TRIM32: variants seen among roughly 807,000 people sequenced by gnomAD.
TRIM32 encodes tripartite motif containing 32.
In TRIM32, 19 loss-of-function variants were observed where a neutral mutation model predicts 36.0. That is an observed-to-expected ratio of 0.53 (90% confidence interval 0.37 to 0.77). The LOEUF (loss-of-function observed/expected upper bound fraction) is 0.77. Ranked by LOEUF, TRIM32 falls within the 30% of genes least tolerant of loss-of-function variation. The pLI, the probability that TRIM32 is intolerant of heterozygous loss-of-function variation, is 0.00. For synonymous variants in TRIM32, 309 were observed against 318.5 expected (o/e 0.97, Z 0.32); for missense variants, 747 against 845.2 (o/e 0.88, Z 1.44).
chr9:116,689,917 C>A (rs1232237343), intron 1 of TRIM32, among the ~76,000 whole-genome samples: 1 of 152,166 alleles, frequency 6.6e-6, no homozygotes, highest in Non-Finnish European at 1.5e-5. Context: ...TGAAGGCAGT[C>A]ATACTCTGAA....
In TRIM32 at chr9:116,699,248, A is replaced by G; in HGVS notation, c.1506A>G (p.Ser502=). 6.2e-7 allele frequency: 1 copy of G among 1,614,232 alleles called. No individual in the cohort carries two copies. Among genetic ancestry groups the G allele is most frequent in the African/African-American group, 1.3e-5 (1 of 75,064 alleles). ...GGTGTTTCACAGTTGATCGAGGATC[A>G]GGGGTGGTCAAATACAGCTGCCTAT... ...KLWCFTVDRG[S]GVVKYSCLCS... The change falls in exon 2 of 2, where the codon TCA becomes TCG. Residue 502 remains serine, a synonymous_variant. Coordinates refer to ENST00000450136, the MANE Select transcript of TRIM32 (RefSeq NM_012210.4). The surrounding 1 kb of genome is among the most constrained non-coding windows in gnomAD (Gnocchi z 4.2).
chr9:116,699,872 C>G lies in TRIM32; in HGVS notation c.*168C>G, dbSNP rs370691123. On this transcript the variant is annotated 3_prime_UTR_variant, in exon 2 of 2. Transcript: ENST00000450136. The surrounding 1 kb of genome is among the most constrained non-coding windows in gnomAD (Gnocchi z 4.2). The stretch of plus-strand genomic sequence containing the variant: ...TTTAATGTTTTTATTTGTTATGTCC[C>G]CCTCCCCGCTTCCCACCTAAATTTA... 1 of 888,358 alleles carries G rather than the reference C, an allele frequency of 1.1e-6. No individual in the cohort carries two copies. Among genetic ancestry groups the G allele is most frequent in the African/African-American group, 1.7e-5 (1 of 58,998 alleles). 55.0% of individuals were successfully genotyped at this position (888,358 alleles called of 1,614,324 possible).
At chr9:116,688,624 T>A (rs1860398945) in intron 1 of TRIM32, among the ~76,000 whole-genome samples, 1 of 149,100 alleles carries the variant, frequency 6.7e-6, no homozygotes, top group Non-Finnish European at 1.5e-5. Flanking sequence ...ACTAACTCCA[T>A]TCTGACCACC....
chr9:116,689,313 G>A (rs1860444673), intron 1 of TRIM32, among the ~76,000 whole-genome samples: 1 of 152,170 alleles, frequency 6.6e-6, no homozygotes. Flanking sequence ...GTAAAATGGG[G>A]TTATGATAAC....
Position 116,699,943 on chromosome 9 carries a change from A to G in TRIM32, c.*239A>G. ...CCCAAATAGGACACACGATGGTGTTAGCTGAAGTTTGATTAGCAATTAGGC... is the reference window on the plus strand; with the variant it reads ...CCCAAATAGGACACACGATGGTGTTGGCTGAAGTTTGATTAGCAATTAGGC... On this transcript the variant is annotated 3_prime_UTR_variant, in exon 2 of 2. Transcript: ENST00000450136. This position sits in a 1 kb window ranked among gnomAD's most constrained non-coding sequence, Gnocchi z 4.2. 1 of 615,390 alleles carries G rather than the reference A, an allele frequency of 1.6e-6. No homozygotes were observed. Among genetic ancestry groups the G allele is most frequent in the South Asian group, 2.1e-5 (1 of 46,706 alleles). The allele number at this position is 615,390 out of a possible 1,614,324, so 38.1% of individuals were successfully genotyped here. A position where few individuals can be genotyped will look rare whatever the true frequency, so the allele number is the denominator to read the frequency against.
At position 116,700,275 on chromosome 9, in the gene TRIM32, G is replaced by T. The variant is rs957394452; in HGVS notation, c.*571G>T. 1.8e-5 allele frequency: 3 copies of T among 171,124 alleles called. No homozygotes were observed. The Admixed American group carries it at 1.9e-4, about 11-fold the overall frequency. The allele number at this position is 171,124 out of a possible 1,614,324, so 10.6% of individuals were successfully genotyped here. Reference sequence around the variant, plus strand: ...GTCATTCATTTAGTGCTACCAAAGGGGATACACAAGCCCTTTAGGAAGCAG... The same window carrying T: ...GTCATTCATTTAGTGCTACCAAAGGTGATACACAAGCCCTTTAGGAAGCAG... On this transcript the variant is annotated 3_prime_UTR_variant, in exon 2 of 2. Transcript: ENST00000450136.
chr9:116,692,197 C>T (rs1390437782), intron 1 of TRIM32, among the ~76,000 whole-genome samples: 1 of 152,196 alleles, frequency 6.6e-6, no homozygotes, highest in African/African-American at 2.4e-5. Flanking sequence ...GGTGGCAATT[C>T]AAGCATTAGG....
At position 116,699,704 on chromosome 9, in the gene TRIM32, G is replaced by C; in HGVS notation, c.1962G>C (p.Ter654TyrextTer18). 6.2e-7 allele frequency: 1 copy of C among 1,614,192 alleles called. No individual in the cohort carries two copies. Among genetic ancestry groups the C allele is most frequent in the Non-Finnish European group, 8.5e-7 (1 of 1,180,046 alleles). The change falls in exon 2 of 2, where the codon TAG becomes TAC. Residue 654 changes from the stop codon to tyrosine, a stop_lost. Coordinates refer to ENST00000450136, the MANE Select transcript of TRIM32 (RefSeq NM_012210.4). The surrounding 1 kb of genome is among the most constrained non-coding windows in gnomAD (Gnocchi z 4.2). ...SYHLRRYSTP[*>Y] ...ATCTGAGAAGATATTCCACCCCATA[G>C]GGGATGAGAAATTATCAGTTTCTTC...
rs1861151047 is a variant in TRIM32 at position 116,701,120 on chromosome 9, A to ATCTT, written c.*1417_*1420dup. 2.4e-5 allele frequency: 4 copies of ATCTT among 167,080 alleles called. No individual in the cohort carries two copies. In the South Asian group the frequency reaches 8.3e-4, roughly 35 times the overall value. The allele number at this position is 167,080 out of a possible 1,614,324, so 10.3% of individuals were successfully genotyped here. A position where few individuals can be genotyped will look rare whatever the true frequency, so the allele number is the denominator to read the frequency against. Reference sequence around the variant, plus strand: ...GGGTTTGGTGTTTACTAAGTAATATATCTTACTCTAGGTGCAGGGCTGATG... The same window carrying ATCTT: ...GGGTTTGGTGTTTACTAAGTAATATATCTTTCTTACTCTAGGTGCAGGGCTGATG... On this transcript the variant is annotated 3_prime_UTR_variant, in exon 2 of 2. Transcript: ENST00000450136.
intron 1 of TRIM32, among the ~76,000 whole-genome samples, chr9:116,689,947 G>A (rs35891915): frequency 0.16 from 24,945 of 152,116 alleles, 2,474 homozygotes; most frequent in Non-Finnish European, 0.23. Context: ...CTACTGTTCT[G>A]TATGGTCTCT....
rs749100046 is a variant in TRIM32, at chr9:116,698,137, G to A, written c.395G>A (p.Gly132Asp). Residue 132 changes from glycine (G) to aspartate (D), a missense_variant, in exon 2 of 2, where the codon GGC becomes GAC. Coordinates refer to ENST00000450136, the MANE Select transcript of TRIM32 (RefSeq NM_012210.4). This position sits in a 1 kb window ranked among gnomAD's most constrained non-coding sequence, Gnocchi z 4.4. ...PCREADHQPP[G>D]HCTLPVKEAA... is the part of the protein sequence containing the mutation. Reference sequence around the variant, plus strand: ...CGGGAGGCAGACCATCAGCCTCCTGGCCACTGTACACTCCCTGTCAAAGAA... The same window carrying A: ...CGGGAGGCAGACCATCAGCCTCCTGACCACTGTACACTCCCTGTCAAAGAA... The A allele has an allele frequency of 5.0e-6, 8 of 1,613,980 alleles. No homozygotes were observed. Among genetic ancestry groups the A allele is most frequent in the African/African-American group, 1.3e-5 (1 of 74,928 alleles).
chr9:116,688,845 T>C (rs1184817039), intron 1 of TRIM32, among the ~76,000 whole-genome samples: 1 of 151,562 alleles, frequency 6.6e-6, no homozygotes, highest in African/African-American at 2.4e-5. Context: ...GTGTTTGGGC[T>C]CGGAGACAGA....
Position 116,698,876 on chromosome 9 carries a change from C to T in TRIM32, c.1134C>T (p.Tyr378=), listed in dbSNP as rs776448126. 1.4e-5 allele frequency: 23 copies of T among 1,614,110 alleles called. No homozygotes were observed. Among genetic ancestry groups the T allele is most frequent in the African/African-American group, 1.3e-4 (10 of 74,940 alleles). ...TGTTCAATCTTCCAGTCAGTCTCTA[C>T]GTGACCAGTCAAGGTGAAGTACTAG... ...PGMFNLPVSL[Y]VTSQGEVLVA... The change falls in exon 2 of 2, where the codon TAC becomes TAT. Residue 378 remains tyrosine (Y), a synonymous_variant. Coordinates refer to ENST00000450136, the MANE Select transcript of TRIM32 (RefSeq NM_012210.4). The surrounding 1 kb of genome is among the most constrained non-coding windows in gnomAD (Gnocchi z 4.4).
chr9:116,690,245 AT>A (rs1354490552), intron 1 of TRIM32, among the ~76,000 whole-genome samples: 1 of 152,186 alleles, frequency 6.6e-6, no homozygotes, highest in Admixed American at 6.5e-5. Flanking sequence ...AGTGCTTATT[AT>A]GTGCATTATC....
chr9:116,688,638 C>T (rs1860400130), intron 1 of TRIM32, among the ~76,000 whole-genome samples: 1 of 146,520 alleles, frequency 6.8e-6, no homozygotes, highest in Admixed American at 6.8e-5. Flanking sequence ...GACCACCGGT[C>T]CCCCGGCCCA....
rs773666256 is a variant in TRIM32, at chr9:116,697,718, A to G, written c.-25A>G. On this transcript the variant is annotated 5_prime_UTR_variant, in exon 2 of 2. It removes the in-frame stop codon of an upstream open reading frame in the 5' UTR. Coordinates refer to ENST00000450136, the MANE Select transcript of TRIM32 (RefSeq NM_012210.4). ...GTGCTGTTCAGTTCTGAGCTGTGCTAGCAATACCCTTCAAAGGAAGAGCAA... is the reference window on the plus strand; with the variant it reads ...GTGCTGTTCAGTTCTGAGCTGTGCTGGCAATACCCTTCAAAGGAAGAGCAA... 2 of 1,613,250 alleles carry G rather than the reference A, an allele frequency of 1.2e-6. No homozygotes were observed. Among genetic ancestry groups the G allele is most frequent in the Non-Finnish European group, 1.7e-6 (2 of 1,179,998 alleles).
chr9:116,694,081 C>T (rs1325099954), intron 1 of TRIM32, among the ~76,000 whole-genome samples: 1 of 152,134 alleles, frequency 6.6e-6, no homozygotes, highest in Non-Finnish European at 1.5e-5. Flanking sequence ...GGCAGGAATT[C>T]TTGACATCCT....
chr9:116,698,096 G>T lies in TRIM32; in HGVS notation c.354G>T (p.Val118=). ...AATTCTGCCGGAGCTGTGGTTTGGT[G>T]TTATGTGAGCCCTGCCGGGAGGCAG... ...PRQFCRSCGL[V]LCEPCREADH... The change falls in exon 2 of 2, where the codon GTG becomes GTT. Residue 118 remains valine (V), a synonymous_variant. Coordinates refer to ENST00000450136, the MANE Select transcript of TRIM32 (RefSeq NM_012210.4). The surrounding 1 kb of genome is among the most constrained non-coding windows in gnomAD (Gnocchi z 4.4). The T allele has an allele frequency of 6.2e-7, 1 of 1,614,140 alleles. No individual in the cohort carries two copies. Among genetic ancestry groups the T allele is most frequent in the Non-Finnish European group, 8.5e-7 (1 of 1,180,040 alleles).
chr9:116,694,503 C>T (rs1055152718), intron 1 of TRIM32, among the ~76,000 whole-genome samples: 41 of 122,734 alleles, frequency 3.3e-4, no homozygotes, highest in Non-Finnish European at 6.1e-4. Flanking sequence ...GCTCTGTCAC[C>T]CAGTCTGGAG....
Sources: allele counts gnomAD v4.1 joint callset (sites outside exome capture counted in the v4.1 genomes callset), GRCh38; gene constraint gnomAD v4.1.1; non-coding constraint Gnocchi (gnomAD v3.1); transcripts MANE v1.5; gene names NCBI Gene and HGNC (gene_info 2026-07-23, HGNC 2026-07-21).